SETDB2: variants seen among roughly 807,000 people sequenced by gnomAD.
The protein encoded by SETDB2 is histone-lysine N-methyltransferase SETDB2.
SETDB2 carries 56 observed loss-of-function variants against 82.5 expected under a neutral mutation model. That is an observed-to-expected ratio of 0.68 (90% CI 0.55 to 0.85). The LOEUF (loss-of-function observed/expected upper bound fraction) is 0.85, where lower values mean the gene tolerates loss of function less well. Ranked by LOEUF, SETDB2 falls within the 40% of genes least tolerant of loss-of-function variation. The pLI, the probability that SETDB2 is intolerant of heterozygous loss-of-function variation, is 0.00. For missense variants in SETDB2, 677 were observed against 816.4 expected, an observed-to-expected ratio of 0.83 and a Z score of 2.08; for synonymous variants, 272 against 284.9, an observed-to-expected ratio of 0.95 and a Z score of 0.46.
chr13:49,479,558 C>G (rs1958437754), intron 6 of SETDB2, among the ~76,000 whole-genome samples: 1 of 152,142 alleles, frequency 6.6e-6, no homozygotes, highest in Non-Finnish European at 1.5e-5. Context: ...GTCACTTGTT[C>G]AGCAAAGGAG....
Position 49,485,875 on chromosome 13 carries a change from T to C in SETDB2, c.1576+152T>C, listed in dbSNP as rs142376839. 366 of 804,270 alleles carry C rather than the reference T, an allele frequency of 4.6e-4. 3 individuals are homozygous for C. In the African/African-American group the frequency reaches 4.9e-3, roughly 11 times the overall value. 49.8% of individuals were successfully genotyped at this position (804,270 alleles called of 1,614,324 possible). ...TTGTCTACATAAGAGATCAGCAAAATATCGTGTGTGGGCCAAATCTGGCCC... is the reference window on the plus strand; with the variant it reads ...TTGTCTACATAAGAGATCAGCAAAACATCGTGTGTGGGCCAAATCTGGCCC... On this transcript the variant is annotated intron_variant, in intron 11 of 13. Coordinates refer to ENST00000611815, the MANE Select transcript of SETDB2 (RefSeq NM_001160308.3).
intron 2 of SETDB2, 69 bp from the exon 3 acceptor site, chr13:49,460,038 A>G: frequency 6.7e-7 from 1 of 1,491,012 alleles, no homozygotes; most frequent in Non-Finnish European, 9.1e-7. Context: ...ATTGTTCTAT[A>G]ACATGTTCTT....
chr13:49,467,266 A>G (rs1260658699), intron 4 of SETDB2, among the ~76,000 whole-genome samples: 1 of 151,962 alleles, frequency 6.6e-6, no homozygotes, highest in African/African-American at 2.4e-5. Flanking sequence ...ATGGTTTTGC[A>G]TGCCTGTAAT....
At chr13:49,469,982 TTTG>T (rs544221839) in intron 5 of SETDB2, among the ~76,000 whole-genome samples, 29 of 152,186 alleles carry the variant, frequency 1.9e-4, no homozygotes, top group Non-Finnish European at 3.4e-4. Flanking sequence ...TTAGTTGTTT[TTTG>T]TTGTTGTTAT....
chr13:49,483,287 A>C (rs574350565), intron 9 of SETDB2, among the ~76,000 whole-genome samples, 177 bp from the exon 10 acceptor site: 1 of 152,214 alleles, frequency 6.6e-6, no homozygotes, highest in South Asian at 2.1e-4. Context: ...TGTACTTCAA[A>C]AATTATTTAT....
intron 4 of SETDB2, among the ~76,000 whole-genome samples, chr13:49,464,551 T>C (rs1274256627): frequency 6.6e-6 from 1 of 152,156 alleles, no homozygotes; most frequent in Non-Finnish European, 1.5e-5. Flanking sequence ...AAGTTGGTTT[T>C]TGTTTGGGGT....
intron 5 of SETDB2, among the ~76,000 whole-genome samples, chr13:49,473,548 C>T (rs1213736079): frequency 4.8e-5 from 6 of 124,724 alleles, no homozygotes; most frequent in Admixed American, 8.6e-5. Context: ...AAGACCCTGT[C>T]TCCAAAAAAA....
intron 4 of SETDB2, among the ~76,000 whole-genome samples, chr13:49,464,639 A>G (rs556970735): frequency 6.6e-6 from 1 of 152,340 alleles, no homozygotes; most frequent in African/African-American, 2.4e-5. Context: ...TCCATCTGAA[A>G]TGTAACAAAT....
At chr13:49,465,486 T>C (rs2138879650) in intron 4 of SETDB2, among the ~76,000 whole-genome samples, 1 of 152,378 alleles carries the variant, frequency 6.6e-6, no homozygotes, top group African/African-American at 2.4e-5. Flanking sequence ...GTAAAATTAA[T>C]TTCTAATCAG....
intron 1 of SETDB2, chr13:49,446,297 A>G (rs1376631797): frequency 2.3e-6 from 1 of 440,382 alleles, no homozygotes; most frequent in African/African-American, 2.0e-5. Flanking sequence ...CTTGCGTGTC[A>G]AGGTTATACT....
At chr13:49,482,668 T>G in intron 8 of SETDB2, 69 bp from the exon 9 acceptor site, 1 of 988,800 alleles carries the variant, frequency 1.0e-6, no homozygotes, top group Admixed American at 2.2e-5. Flanking sequence ...GGAGTAGAAA[T>G]AGAGATGTCT....
chr13:49,459,825 C>G (rs1237348974), intron 2 of SETDB2: 3 of 267,056 alleles, frequency 1.1e-5, no homozygotes, highest in African/African-American at 6.8e-5. Context: ...CCCACAACCA[C>G]TCTCCAGTGA....
At chr13:49,453,642 T>C (rs1403811807) in intron 2 of SETDB2, among the ~76,000 whole-genome samples, 1 of 152,162 alleles carries the variant, frequency 6.6e-6, no homozygotes, top group Non-Finnish European at 1.5e-5. Context: ...TCAGTGTAGG[T>C]ATTTTTTATT....
At chr13:49,462,804 A>G (rs1336478046) in intron 4 of SETDB2, among the ~76,000 whole-genome samples, 2 of 152,178 alleles carry the variant, frequency 1.3e-5, no homozygotes, top group African/African-American at 4.8e-5. Context: ...TTTGGTATTC[A>G]AAGTATCCTC....
chr13:49,479,762 C>A (rs1958442823), intron 6 of SETDB2, among the ~76,000 whole-genome samples: 1 of 152,120 alleles, frequency 6.6e-6, no homozygotes, highest in Non-Finnish European at 1.5e-5. Context: ...AAAAAGGATT[C>A]AATAATAGTA....
At chr13:49,461,212 C>A in intron 4 of SETDB2, 50 bp downstream of exon 4, 3 of 1,327,402 alleles carry the variant, frequency 2.3e-6, no homozygotes, top group Non-Finnish European at 3.2e-6. Context: ...TATTTTCTTG[C>A]CATGAAGCAG....
Position 49,490,836 on chromosome 13 carries a change from A to G in SETDB2, c.1932A>G (p.Pro644=), listed in dbSNP as rs370685681. Residue 644 remains proline (P), a synonymous_variant, in exon 13 of 14, where the codon CCA becomes CCG. Coordinates refer to ENST00000611815, the MANE Select transcript of SETDB2 (RefSeq NM_001160308.3). The part of the protein sequence containing the change: ...VGRFLNHSCC[P]NLLVQNVFVE... The stretch of plus-strand genomic sequence containing the variant: ...TTATTTAACAGCATAGTTGTTGCCC[A>G]AATCTCTTGGTACAGAATGTTTTTG... The G allele has an allele frequency of 5.6e-6, 9 of 1,611,802 alleles. No individual in the cohort carries two copies. Among genetic ancestry groups the G allele is most frequent in the South Asian group, 3.3e-5 (3 of 90,860 alleles).
At chr13:49,480,690 C>T (rs186964129) in intron 7 of SETDB2, among the ~76,000 whole-genome samples, 6 of 152,290 alleles carry the variant, frequency 3.9e-5, no homozygotes, top group Non-Finnish European at 8.8e-5. Context: ...TTAATCTTCA[C>T]AAAGCAGCCC....
rs1262310743 is a variant in SETDB2, at chr13:49,492,663, A to T, written c.*814A>T. On this transcript the variant is annotated 3_prime_UTR_variant, in exon 14 of 14. Transcript: ENST00000611815. ...ATTGTACTGGGCAAAAATTTCACTT[A>T]AAAAACACAAGAAGTCCAGGTATGG... is the stretch of plus-strand genomic sequence containing the variant. The T allele has an allele frequency of 6.6e-6, 1 of 152,220 alleles. No individual in the cohort carries two copies. The highest frequency in any genetic ancestry group is 1.9e-4 in the East Asian group (1 of 5,200). 9.4% of individuals were successfully genotyped at this position (152,220 alleles called of 1,614,324 possible).
Sources: gnomAD v4.1 joint callset for allele counts (sites outside exome capture counted in the v4.1 genomes callset) on GRCh38, gnomAD v4.1.1 for gene constraint, MANE v1.5 for transcripts, NCBI Gene and HGNC (gene_info 2026-07-23, HGNC 2026-07-21) for gene names.